Variants in PNKP observed in about 807,000 individuals in gnomAD.
PNKP encodes the protein polynucleotide kinase 3'-phosphatase.
PNKP carries 82 observed loss-of-function variants against 66.2 expected under a neutral mutation model. The observed-to-expected ratio is 1.24, with a 90% CI of 1.04 to 1.49. The LOEUF (loss-of-function observed/expected upper bound fraction) is 1.49, where lower values mean the gene tolerates loss of function less well. Ranked by LOEUF, PNKP falls within the 40% of genes most tolerant of loss-of-function variation. The pLI, the probability that PNKP is intolerant of heterozygous loss-of-function variation, is 0.00. For missense variants in PNKP, 907 were observed against 706.8 expected (o/e 1.28, Z -3.21); for synonymous variants, 412 against 298.9 (o/e 1.38, Z -3.90).
rs781573473 is a variant in PNKP at position 49,867,094 on chromosome 19, G to A, written c.111C>T (p.Pro37=). Reference sequence around the variant, plus strand: ...ACTTCCGGTCCGTAACCTGGGTCAGGGGTCCCCTGCCCAGGACCAGGGCTT... The same window carrying A: ...ACTTCCGGTCCGTAACCTGGGTCAGAGGTCCCCTGCCCAGGACCAGGGCTT... ...DGQALVLGRG[P]LTQVTDRKCS... The change falls in exon 2 of 17, where the codon CCC becomes CCT. Residue 37 remains proline, a synonymous_variant. Transcript: ENST00000322344. 1 of 1,613,686 alleles carries A rather than the reference G, an allele frequency of 6.2e-7. No individual in the cohort carries two copies. Among genetic ancestry groups the A allele is most frequent in the African/African-American group, 1.3e-5 (1 of 74,936 alleles).
intron 2 of PNKP, 81 bp from the exon 3 acceptor site, chr19:49,866,526 A>T: frequency 7.5e-7 from 1 of 1,329,090 alleles, no homozygotes; most frequent in African/African-American, 1.4e-5. Flanking sequence ...GGCCTGCTTC[A>T]GGCTATAGCA....
intron 7 of PNKP, 69 bp from the exon 8 acceptor site, chr19:49,863,829 G>A (rs2074798363): frequency 2.1e-6 from 3 of 1,454,740 alleles, no homozygotes; most frequent in South Asian, 2.4e-5. Context: ...CCCCAGCCCA[G>A]AATTTGTAGC....
In PNKP at chr19:49,864,058, G is replaced by A. The variant is rs115259839; in HGVS notation, c.650C>T (p.Thr217Ile). The change falls in exon 7 of 17, where the codon ACC becomes ATC. Residue 217 changes from threonine to isoleucine, a missense_variant. Transcript: ENST00000322344. ...CCCGCGCCCGATGCTCATCTGGTTG[G>A]TGAAGATCACCAGCTGGGGAGCAAA... ...EAEGYKLVIFTNQMSIGRGKL... is the reference protein window; with the variant it reads ...EAEGYKLVIFINQMSIGRGKL... 6 of 1,613,894 alleles carry A rather than the reference G, an allele frequency of 3.7e-6. No individual in the cohort carries two copies. The South Asian group carries it at 6.6e-5, about 18-fold the overall frequency.
At chr19:49,863,294 C>T (rs977376473) in intron 8 of PNKP, among the ~76,000 whole-genome samples, 2 of 152,184 alleles carry the variant, frequency 1.3e-5, no homozygotes, top group African/African-American at 4.8e-5. Context: ...CTGCCCACCA[C>T]GGGTGATGCC....
chr19:49,862,887 G>A (rs1260082651), intron 8 of PNKP, 149 bp from the exon 9 acceptor site: 3 of 838,364 alleles, frequency 3.6e-6, no homozygotes, highest in Non-Finnish European at 3.9e-6. Flanking sequence ...ACTTTGCACC[G>A]TGCTCCTGGC....
intron 16 of PNKP, 24 bp from the exon 17 acceptor site, chr19:49,861,389 G>A: frequency 6.2e-7 from 1 of 1,613,840 alleles, no homozygotes; most frequent in Non-Finnish European, 8.5e-7. Flanking sequence ...GAACAGTGAG[G>A]GACAGCCTGG....
chr19:49,862,648 G>T, intron 9 of PNKP, 40 bp from the exon 10 acceptor site: 1 of 1,613,978 alleles, frequency 6.2e-7, no homozygotes, highest in Non-Finnish European at 8.5e-7. Flanking sequence ...CAGCTCGGAG[G>T]GAGGCGTCCC....
chr19:49,864,780 C>CT (rs1252601908), intron 4 of PNKP, among the ~76,000 whole-genome samples: 1 of 152,162 alleles, frequency 6.6e-6, no homozygotes, highest in Non-Finnish European at 1.5e-5. Context: ...ATGCCACGTG[C>CT]TTTTTTTATG....
At position 49,862,183 on chromosome 19, in the gene PNKP, AC is replaced by A. The variant is rs1183620642; in HGVS notation, c.1126+1del. ...GCACGCGCACAGGAACAGGACACTT[AC>A]CCCCAGGGAATCCCACTGCGACAAC... On this transcript the variant is annotated splice_donor_variant, in intron 12 of 16. Coordinates refer to ENST00000322344, the MANE Select transcript of PNKP (RefSeq NM_007254.4). LOFTEE classifies it high-confidence loss of function. The A allele has an allele frequency of 1.9e-6, 3 of 1,613,496 alleles. No individual in the cohort carries two copies. Among genetic ancestry groups the A allele is most frequent in the East Asian group, 2.2e-5 (1 of 44,852 alleles).
At chr19:49,866,532 T>C (rs1252161687) in intron 2 of PNKP, 87 bp from the exon 3 acceptor site, 5 of 1,281,210 alleles carry the variant, frequency 3.9e-6, no homozygotes, top group Non-Finnish European at 5.7e-6. Flanking sequence ...CTTCAGGCTA[T>C]AGCATCCAGG....
intron 8 of PNKP, among the ~76,000 whole-genome samples, chr19:49,863,088 C>G (rs958550132): frequency 2.6e-5 from 4 of 152,222 alleles, no homozygotes; most frequent in Admixed American, 1.3e-4. Flanking sequence ...GCCCTGCCCT[C>G]TCCCCTCCCT....
rs770822417 is a variant in PNKP, at chr19:49,865,217, C to T, written c.408G>A (p.Pro136=). 1.1e-5 allele frequency: 18 copies of T among 1,614,118 alleles called. No individual in the cohort carries two copies. The highest frequency in any genetic ancestry group is 3.3e-5 in the South Asian group (3 of 91,096). Residue 136 remains proline, a synonymous_variant, in exon 4 of 17, where the codon CCG becomes CCA. Coordinates refer to ENST00000322344, the MANE Select transcript of PNKP (RefSeq NM_007254.4). ...GGTTTGACTTCCGCATACGCTTCTT[C>T]GGCAGCTCAGCATCTCTCTTCTCAT... ...SQDEKRDAEL[P]KKRMRKSNPG...
intron 15 of PNKP, 25 bp from the exon 16 acceptor site, chr19:49,861,535 C>T (rs375468308): frequency 2.5e-6 from 4 of 1,604,086 alleles, no homozygotes; most frequent in Non-Finnish European, 3.4e-6. Flanking sequence ...AGAGGGGCGG[C>T]AGGCCCAGGG....
chr19:49,865,095 G>A (rs2074808168), intron 4 of PNKP, 32 bp downstream of exon 4: 1 of 1,600,656 alleles, frequency 6.2e-7, no homozygotes, highest in Non-Finnish European at 8.5e-7. Flanking sequence ...CCAGTCTGTG[G>A]CGGCTCCCTC....
intron 1 of PNKP, 116 bp downstream of exon 1, chr19:49,867,353 G>T: frequency 2.1e-6 from 2 of 935,562 alleles, no homozygotes; most frequent in Non-Finnish European, 1.6e-6. Context: ...CCTTCCGCGG[G>T]TCGACCCGTT....
rs751424212 is a variant in PNKP at position 49,866,453 on chromosome 19, T to C, written c.152-8A>G. ...GATCTGCGACCAGCTCCACTGAGGA[T>C]TGGAGGGGTGGAGTCAGGATTTGCA... On this transcript the variant is annotated splice_polypyrimidine_tract_variant and splice_region_variant and intron_variant, in intron 2 of 16. Transcript: ENST00000322344. 10 of 1,613,982 alleles carry C rather than the reference T, an allele frequency of 6.2e-6. No individual in the cohort carries two copies. Among genetic ancestry groups the C allele is most frequent in the Admixed American group, 3.3e-5 (2 of 60,020 alleles).
intron 8 of PNKP, 56 bp downstream of exon 8, chr19:49,863,633 G>T: frequency 7.4e-7 from 1 of 1,346,532 alleles, no homozygotes. Flanking sequence ...GGGAGCCCAG[G>T]AGTGAGGGGC....
rs766203926 is a variant in PNKP, at chr19:49,862,082, T to G, written c.1150A>C (p.Lys384Gln). The change falls in exon 13 of 17, where the codon AAG becomes CAG. Residue 384 changes from lysine (K) to glutamine (Q), a missense_variant. Physicochemically the swap from Lys to Gln is moderately conservative, Grantham distance 53. Coordinates refer to ENST00000322344, the MANE Select transcript of PNKP (RefSeq NM_007254.4). ...PGAGKSTFLK[K>Q]HLVSAGYVHV... ...ACATATCCGGCCGACACGAGGTGCTTCTTGAGAAAGGTGGACTTCCCGGCT... is the reference window on the plus strand; with the variant it reads ...ACATATCCGGCCGACACGAGGTGCTGCTTGAGAAAGGTGGACTTCCCGGCT... 2.5e-6 allele frequency: 4 copies of G among 1,613,930 alleles called. No homozygotes were observed. The highest frequency in any genetic ancestry group is 2.2e-5 in the East Asian group (1 of 44,872).
intron 2 of PNKP, 60 bp downstream of exon 2, chr19:49,866,994 C>G (rs187874787): frequency 1.9e-6 from 3 of 1,553,450 alleles, no homozygotes; most frequent in Non-Finnish European, 2.7e-6. Context: ...CCAAGCGTCC[C>G]TCTGGATTGT....
Sources: allele counts gnomAD v4.1 joint callset (sites outside exome capture counted in the v4.1 genomes callset), GRCh38; gene constraint gnomAD v4.1.1; transcripts MANE v1.5; gene names NCBI Gene and HGNC (gene_info 2026-07-23, HGNC 2026-07-21).